The following CATSPERB variants were observed in gnomAD, a reference collection of about 807,000 sequenced individuals.
CATSPERB encodes the protein cation channel sperm-associated auxiliary subunit beta.
Under a neutral mutation model 128.3 loss-of-function variants are expected in CATSPERB, and 93 were observed. The ratio of observed to expected loss-of-function variants is 0.72; its 90% CI spans 0.61 to 0.86. CATSPERB has a LOEUF of 0.86. CATSPERB is among the 40% of genes least tolerant of loss of function. The probability of loss-of-function intolerance (pLI) is 0.00; values close to 1 mark genes in which losing one functional copy is unlikely to be tolerated. For synonymous variants in CATSPERB, 381 were observed against 448.8 expected, an observed-to-expected ratio of 0.85 and a Z score of 1.91; for missense variants, 1,153 against 1,329.5, an observed-to-expected ratio of 0.87 and a Z score of 2.06.
chr14:91,603,064 T>G (rs1261270084), intron 22 of CATSPERB: 2 of 784,244 alleles, frequency 2.6e-6, no homozygotes, highest in East Asian at 4.9e-5. Context: ...CCTTTTTGGG[T>G]TTTGGGCCTG....
intron 18 of CATSPERB, 113 bp downstream of exon 18, chr14:91,624,707 T>C (rs961615595): frequency 1.2e-5 from 9 of 739,102 alleles, no homozygotes; most frequent in Non-Finnish European, 1.8e-5. Flanking sequence ...GGTTGCCAGT[T>C]GGACTAAAAT....
intron 18 of CATSPERB, among the ~76,000 whole-genome samples, chr14:91,622,251 C>G (rs906975456): frequency 6.6e-6 from 1 of 151,364 alleles, no homozygotes; most frequent in Admixed American, 6.6e-5. Context: ...CCTTAAAAAC[C>G]TAAAATCTTT....
chr14:91,673,136 A>G (rs1895128267), intron 12 of CATSPERB, 120 bp from the exon 13 acceptor site: 1 of 896,498 alleles, frequency 1.1e-6, no homozygotes, highest in East Asian at 3.0e-5. Flanking sequence ...ACAAACATAG[A>G]AATTAACCTT....
At position 91,596,353 on chromosome 14, in the gene CATSPERB, G is replaced by A. The variant is rs544505666; in HGVS notation, c.2710-4351C>T. Among the ~76,000 whole-genome samples, 6 of 151,924 alleles carry A rather than the reference G, an allele frequency of 3.9e-5. No homozygotes were observed. The East Asian group carries it at 1.2e-3, about 29-fold the overall frequency. On this transcript the variant is annotated intron_variant, in intron 22 of 26. Coordinates refer to ENST00000256343, the MANE Select transcript of CATSPERB (RefSeq NM_024764.4). The stretch of plus-strand genomic sequence containing the variant: ...TGAGTAGCTGGGACTACAGGCGCCT[G>A]CCACCACGCCCGGCTAATTTTTTGT...
chr14:91,685,119 G>C (rs55768494), intron 10 of CATSPERB, among the ~76,000 whole-genome samples: 23,096 of 151,978 alleles, frequency 0.15, 1,874 homozygotes, highest in South Asian at 0.2. Context: ...AGGGAAAGGA[G>C]TCTCACTATA....
chr14:91,603,473 C>T, intron 22 of CATSPERB: 1 of 1,336,830 alleles, frequency 7.5e-7, no homozygotes, highest in East Asian at 2.3e-5. Flanking sequence ...AATTCTGCTC[C>T]CTAAGTCTTA....
intron 11 of CATSPERB, among the ~76,000 whole-genome samples, chr14:91,675,754 A>G (rs1486508407): frequency 6.6e-6 from 1 of 152,062 alleles, no homozygotes; most frequent in Non-Finnish European, 1.5e-5. Context: ...AGCCTGTCTA[A>G]GCCCCCCACT....
intron 17 of CATSPERB, among the ~76,000 whole-genome samples, chr14:91,632,807 G>A (rs1025341920): frequency 6.8e-5 from 6 of 88,824 alleles, no homozygotes; most frequent in Non-Finnish European, 1.4e-4. Context: ...TTGAGTTAAA[G>A]TCACTTAAAA....
intron 6 of CATSPERB, among the ~76,000 whole-genome samples, chr14:91,707,745 T>C (rs1169104031): frequency 6.6e-6 from 1 of 151,098 alleles, no homozygotes; most frequent in Non-Finnish European, 1.5e-5. Flanking sequence ...ACTACAGATG[T>C]GCATCACCAT....
intron 5 of CATSPERB, chr14:91,710,211 C>T (rs1895815249): frequency 6.6e-6 from 1 of 152,220 alleles, no homozygotes; most frequent in Admixed American, 6.5e-5. Context: ...AATAGAGATA[C>T]TTGGCTGTTA....
intron 15 of CATSPERB, among the ~76,000 whole-genome samples, chr14:91,652,478 G>A (rs1595165313): frequency 6.7e-6 from 1 of 148,334 alleles, no homozygotes; most frequent in African/African-American, 2.5e-5. Context: ...GGCCAACAAG[G>A]TGAAACCCTG....
intron 10 of CATSPERB, among the ~76,000 whole-genome samples, chr14:91,687,489 G>A (rs1483301426): frequency 6.6e-6 from 1 of 152,176 alleles, no homozygotes; most frequent in Non-Finnish European, 1.5e-5. Context: ...ACAGATGGCT[G>A]TCTATGAACC....
intron 2 of CATSPERB, among the ~76,000 whole-genome samples, chr14:91,728,239 T>A (rs1433014014): frequency 2.0e-5 from 3 of 152,104 alleles, no homozygotes; most frequent in Admixed American, 1.3e-4. Flanking sequence ...CTCAGCCTCC[T>A]GAGTAGCTGG....
chr14:91,606,797 A>G (rs1282955836), intron 22 of CATSPERB, among the ~76,000 whole-genome samples: 1 of 152,172 alleles, frequency 6.6e-6, no homozygotes, highest in African/African-American at 2.4e-5. Context: ...GGTGAAATTA[A>G]CACTTGTTGG....
At chr14:91,619,861 TTGTG>T (rs55687285) in intron 19 of CATSPERB, among the ~76,000 whole-genome samples, 9,704 of 138,906 alleles carry the variant, frequency 0.07, 341 homozygotes, top group Middle Eastern at 0.17. Context: ...TGTAATAAAA[TTGTG>T]TGTGTGTGTG....
At chr14:91,699,037 A>G (rs535115644) in intron 7 of CATSPERB, among the ~76,000 whole-genome samples, 1 of 152,316 alleles carries the variant, frequency 6.6e-6, no homozygotes, top group African/African-American at 2.4e-5. Context: ...ACATTGTTTC[A>G]TTCCTTTTTA....
intron 14 of CATSPERB, among the ~76,000 whole-genome samples, chr14:91,666,500 T>A (rs146062440): frequency 6.6e-6 from 1 of 152,124 alleles, no homozygotes; most frequent in Non-Finnish European, 1.5e-5. Flanking sequence ...TTTTTATACA[T>A]CACAGAGAGA....
intron 15 of CATSPERB, among the ~76,000 whole-genome samples, chr14:91,641,363 G>T (rs567703346): frequency 1.3e-5 from 2 of 149,102 alleles, no homozygotes; most frequent in African/African-American, 4.9e-5. Flanking sequence ...GGTTTTTATG[G>T]TTTTAGGTCT....
chr14:91,594,335 GGGGATGGGGGA>G (rs1332859092), intron 22 of CATSPERB, among the ~76,000 whole-genome samples: 1 of 152,024 alleles, frequency 6.6e-6, no homozygotes, highest in African/African-American at 2.4e-5. Context: ...TGTGGGGTGG[GGGGATGGGGGA>G]GGGATAGCAT....
Sources: allele counts gnomAD v4.1 joint callset (sites outside exome capture counted in the v4.1 genomes callset), GRCh38; gene constraint gnomAD v4.1.1; transcripts MANE v1.5; gene names NCBI Gene and HGNC (gene_info 2026-07-23, HGNC 2026-07-21).